Variants in OTUD3 observed in about 807,000 individuals in gnomAD.
OTUD3 encodes OTU domain-containing protein 3.
In OTUD3, 24 loss-of-function variants were observed where a neutral mutation model predicts 46.2. The ratio of observed to expected loss-of-function variants is 0.52; its 90% CI spans 0.38 to 0.73. The LOEUF is 0.73. OTUD3 is among the 30% of genes least tolerant of loss of function. OTUD3 has a pLI of 0.00. For missense variants in OTUD3, 455 were observed against 523.3 expected (o/e 0.87, Z 1.27); for synonymous variants, 189 against 195.4 (o/e 0.97, Z 0.27).
At chr1:19,905,442 G>A (rs1166416067) in intron 6 of OTUD3, among the ~76,000 whole-genome samples, 1 of 151,828 alleles carries the variant, frequency 6.6e-6, no homozygotes, top group Non-Finnish European at 1.5e-5. Flanking sequence ...TGACTCAGAG[G>A]AAAGAAAAGA....
At chr1:19,905,166 A>G (rs1215712596) in intron 6 of OTUD3, among the ~76,000 whole-genome samples, 179 bp downstream of exon 6, 1 of 151,764 alleles carries the variant, frequency 6.6e-6, no homozygotes, top group African/African-American at 2.4e-5. Flanking sequence ...CTTCAGGGGG[A>G]GTATAGTTCA....
chr1:19,906,412 G>A lies in OTUD3; in HGVS notation c.836-20G>A. 1 of 1,610,568 alleles carries A rather than the reference G, an allele frequency of 6.2e-7. No individual in the cohort carries two copies. Among genetic ancestry groups the A allele is most frequent in the Non-Finnish European group, 8.5e-7 (1 of 1,177,942 alleles). On this transcript the variant is annotated intron_variant, in intron 6 of 7. Coordinates refer to ENST00000375120, the MANE Select transcript of OTUD3 (RefSeq NM_015207.2). ...TAACTCTCAGGTTCTCAGTTTTAAT[G>A]AAATGTCTTTCTTTGGAAGATGCAG...
intron 1 of OTUD3, among the ~76,000 whole-genome samples, chr1:19,888,148 T>TAGCTGTCAGTAGGATTA (rs2045395511): frequency 6.6e-6 from 1 of 152,224 alleles, no homozygotes; most frequent in Non-Finnish European, 1.5e-5. Flanking sequence ...GGTAGTGATG[T>TAGCTGTCAGTAGGATTA]GCTACTGACA....
intron 1 of OTUD3, among the ~76,000 whole-genome samples, chr1:19,887,082 C>CTTTTTTT (rs35763768): frequency 6.0e-5 from 8 of 133,472 alleles, no homozygotes; most frequent in East Asian, 2.1e-4. Flanking sequence ...TTTTCTTTTT[C>CTTTTTTT]TTTTTTTTTT....
chr1:19,887,681 TTCACATGACAGTTGGAG>T (rs1202186954), intron 1 of OTUD3, among the ~76,000 whole-genome samples: 4 of 152,070 alleles, frequency 2.6e-5, no homozygotes, highest in African/African-American at 4.8e-5. Flanking sequence ...TAATTTTAAT[TTCACATGACAGTTGGAG>T]GTATTGATCA....
Position 19,909,329 on chromosome 1 carries a change from T to C in OTUD3, c.*1583T>C, listed in dbSNP as rs1364756874. On this transcript the variant is annotated 3_prime_UTR_variant, in exon 8 of 8. Coordinates refer to ENST00000375120, the MANE Select transcript of OTUD3 (RefSeq NM_015207.2). ...TTGGAGCATCAGTAGTCTCTTGGAA[T>C]TGCTCCTAGGACATTGTGGTTTAGG... 1 of 152,350 alleles carries C rather than the reference T, an allele frequency of 6.6e-6. No individual in the cohort carries two copies. The highest frequency in any genetic ancestry group is 2.4e-5 in the African/African-American group (1 of 41,452). 9.4% of individuals were successfully genotyped at this position (152,350 alleles called of 1,614,324 possible).
intron 2 of OTUD3, 74 bp downstream of exon 2, chr1:19,890,607 C>T (rs966869893): frequency 1.5e-6 from 2 of 1,301,666 alleles, no homozygotes; most frequent in African/African-American, 1.5e-5. Context: ...CATCCTCCCC[C>T]CTCCCAGCCA....
intron 4 of OTUD3, among the ~76,000 whole-genome samples, chr1:19,898,214 C>G (rs2045542379): frequency 2.0e-5 from 3 of 151,890 alleles, no homozygotes; most frequent in Admixed American, 2.0e-4. Context: ...TCCCAAACTG[C>G]TGGGATTACA....
At position 19,909,405 on chromosome 1, in the gene OTUD3, C is replaced by G. The variant is rs1407995914; in HGVS notation, c.*1659C>G. On this transcript the variant is annotated 3_prime_UTR_variant, in exon 8 of 8. Transcript: ENST00000375120. ...AAAATTTAGCAGATTAAAAAAAGTA[C>G]ACAGCATTTTTTTTCTGTGCACGTC... is the stretch of plus-strand genomic sequence containing the variant. 3.9e-5 allele frequency: 6 copies of G among 152,282 alleles called. No individual in the cohort carries two copies. Among genetic ancestry groups the G allele is most frequent in the African/African-American group, 1.4e-4 (6 of 41,434 alleles). 9.4% of individuals were successfully genotyped at this position (152,282 alleles called of 1,614,324 possible).
At chr1:19,907,028 G>T (rs1334751426) in intron 7 of OTUD3, 1 of 166,512 alleles carries the variant, frequency 6.0e-6, no homozygotes, top group African/African-American at 2.4e-5. Flanking sequence ...AAAGGTCATG[G>T]ATACATGAAT....
At chr1:19,897,733 C>T (rs1441148514) in intron 4 of OTUD3, 71 bp downstream of exon 4, 10 of 1,429,044 alleles carry the variant, frequency 7.0e-6, no homozygotes, top group East Asian at 2.5e-5. Context: ...GTATATCTGG[C>T]GCTAAAAACC....
chr1:19,890,124 AAGTTTGATGACTCT>A (rs1460592220), intron 1 of OTUD3, among the ~76,000 whole-genome samples: 1 of 152,148 alleles, frequency 6.6e-6, no homozygotes, highest in Non-Finnish European at 1.5e-5. Flanking sequence ...AGGCCCAGGG[AAGTTTGATGACTCT>A]CCTGAGTCAG....
At chr1:19,890,185 G>A (rs2045427215) in intron 1 of OTUD3, among the ~76,000 whole-genome samples, 200 bp from the exon 2 acceptor site, 1 of 152,166 alleles carries the variant, frequency 6.6e-6, no homozygotes, top group South Asian at 2.1e-4. Context: ...CTTGTTTGCT[G>A]CCTCTCAAGA....
In OTUD3 at chr1:19,882,559, C is replaced by T. The variant is rs919782580; in HGVS notation, c.46C>T (p.Arg16Trp). ...AAKSRPGSGS[R>W]KAEAERKRDE... The stretch of plus-strand genomic sequence containing the variant: ...GAAGAGCCGGCCGGGCAGCGGCAGC[C>T]GGAAAGCCGAGGCCGAGCGCAAGCG... The change falls in exon 1 of 8, where the codon CGG becomes TGG. Residue 16 changes from arginine to tryptophan, a missense_variant. Physicochemically the swap from Arg to Trp is moderately radical, Grantham distance 101. Transcript: ENST00000375120. The T allele has an allele frequency of 2.2e-6, 3 of 1,365,942 alleles. No homozygotes were observed. The highest frequency in any genetic ancestry group is 3.9e-5 in the Admixed American group (1 of 25,696). The allele number at this position is 1,365,942 out of a possible 1,614,324, so 84.6% of individuals were successfully genotyped here.
Position 19,897,554 on chromosome 1 carries a change from G to GAA in OTUD3, c.501_502dup (p.Ser168LysfsTer4). 6.2e-7 allele frequency: 1 copy of GAA among 1,614,056 alleles called. No homozygotes were observed. Among genetic ancestry groups the GAA allele is most frequent in the Non-Finnish European group, 8.5e-7 (1 of 1,179,958 alleles). On this transcript the variant is annotated frameshift_variant, in exon 4 of 8. Transcript: ENST00000375120. LOFTEE classifies it high-confidence loss of function. ...TTTGTCTACAGATTCGTGGTACAGA[G>GAA]AAAAGCAGCGTGAGGGAGTTACACA...
At chr1:19,885,299 A>G (rs2315059) in intron 1 of OTUD3, among the ~76,000 whole-genome samples, 4,147 of 152,238 alleles carry the variant, frequency 0.027, 164 homozygotes, top group Admixed American at 0.091. Context: ...GGAGCTAACC[A>G]CCTTCTGTTC....
chr1:19,882,969 GA>G (rs1475971402), intron 1 of OTUD3, among the ~76,000 whole-genome samples: 1 of 152,246 alleles, frequency 6.6e-6, no homozygotes, highest in Admixed American at 6.5e-5. Flanking sequence ...CGCCGCGAGC[GA>G]AATAGAAAGT....
intron 4 of OTUD3, among the ~76,000 whole-genome samples, chr1:19,902,440 C>T (rs528658647): frequency 6.6e-6 from 1 of 152,240 alleles, no homozygotes; most frequent in Admixed American, 6.5e-5. Flanking sequence ...CTCCTGACCT[C>T]GTGATCCACC....
At chr1:19,886,649 A>G (rs954680857) in intron 1 of OTUD3, among the ~76,000 whole-genome samples, 1 of 152,244 alleles carries the variant, frequency 6.6e-6, no homozygotes, top group Non-Finnish European at 1.5e-5. Context: ...ATATGCATCC[A>G]TAATTGAGAG....
Sources: gnomAD v4.1 joint callset for allele counts (sites outside exome capture counted in the v4.1 genomes callset) on GRCh38, gnomAD v4.1.1 for gene constraint, MANE v1.5 for transcripts, NCBI Gene and HGNC (gene_info 2026-07-23, HGNC 2026-07-21) for gene names.